Variants in MYT1L observed in about 807,000 individuals in gnomAD.
MYT1L encodes myelin transcription factor 1-like protein.
A neutral mutation model predicts 126.7 loss-of-function variants in MYT1L; 12 were observed. That is an observed-to-expected ratio of 0.09 (90% CI 0.06 to 0.15). The LOEUF (loss-of-function observed/expected upper bound fraction) is 0.15. Among genes scored for constraint, MYT1L ranks in the 10% least tolerant of loss-of-function variants. The pLI, the probability that MYT1L is intolerant of heterozygous loss-of-function variation, is 1.00. For synonymous variants in MYT1L, 541 were observed against 604.2 expected, an observed-to-expected ratio of 0.90 and a Z score of 1.53; for missense variants, 979 against 1,585.2, an observed-to-expected ratio of 0.62 and a Z score of 6.49.
intron 5 of MYT1L, among the ~76,000 whole-genome samples, chr2:1,990,212 G>A (rs1308443068): frequency 6.6e-6 from 1 of 152,222 alleles, no homozygotes; most frequent in Admixed American, 6.5e-5. Flanking sequence ...CTGGGCGGAC[G>A]CCATCTCTTG....
At position 1,943,019 on chromosome 2, in the gene MYT1L, CTCT is replaced by C. The variant is rs1341927951; in HGVS notation, c.465_467del (p.Glu167del). 15 of 1,482,710 alleles carry C rather than the reference CTCT, an allele frequency of 1.0e-5. No individual in the cohort carries two copies. The highest frequency in any genetic ancestry group is 4.0e-5 in the Admixed American group (2 of 50,596). 91.8% of individuals were successfully genotyped at this position (1,482,710 alleles called of 1,614,324 possible). A position where few individuals can be genotyped will look rare whatever the true frequency, so the allele number is the denominator to read the frequency against. On this transcript the variant is annotated inframe_deletion, in exon 9 of 25. Transcript: ENST00000647738. This position sits in a 1 kb window ranked among gnomAD's most constrained non-coding sequence, Gnocchi z 4.4. ...CCTCTTCCTCCTCCTCCTCCTCCTC[CTCT>C]TCCTCTTCTTCATCCTCCACATCTT...
chr2:2,039,789 C>T (rs535268032), intron 4 of MYT1L, among the ~76,000 whole-genome samples: 7 of 152,222 alleles, frequency 4.6e-5, no homozygotes, highest in South Asian at 2.1e-4. Flanking sequence ...ATTTACTCAG[C>T]GGAGTGTGAC....
chr2:1,899,039 G>A (rs534506519), intron 14 of MYT1L, among the ~76,000 whole-genome samples: 1 of 152,354 alleles, frequency 6.6e-6, no homozygotes, highest in South Asian at 2.1e-4. Flanking sequence ...ATAATCAAAA[G>A]GAGAACATGG....
intron 2 of MYT1L, among the ~76,000 whole-genome samples, chr2:2,263,488 AT>A (rs375861631): frequency 9.4e-4 from 143 of 152,250 alleles, no homozygotes; most frequent in African/African-American, 3.3e-3. Flanking sequence ...TGTGAACTAT[AT>A]TCCTAAAAAG....
At chr2:2,295,585 C>CAGAGAGAGAGAGAGAGAGAGAG in intron 1 of MYT1L, among the ~76,000 whole-genome samples, 1 of 50,482 alleles carries the variant, frequency 2.0e-5, no homozygotes, top group South Asian at 7.2e-4. Context: ...GAGAGAGAGA[C>CAGAGAGAGAGAGAGAGAGAGAG]AGACAGACAG....
chr2:2,297,576 AC>A, intron 1 of MYT1L, among the ~76,000 whole-genome samples: 1 of 152,228 alleles, frequency 6.6e-6, no homozygotes, highest in Admixed American at 6.5e-5. Flanking sequence ...TAAGATTCCT[AC>A]CATTCAAATG....
At position 1,803,713 on chromosome 2, in the gene MYT1L, A is replaced by G. The variant is rs180904053; in HGVS notation, c.3173-1914T>C. 3.0e-3 allele frequency among the ~76,000 whole-genome samples: 451 copies of G among 152,276 alleles called. 2 individuals are homozygous for G. Among genetic ancestry groups the G allele is most frequent in the African/African-American group, 0.01 (432 of 41,562 alleles). ...AACAGCCCTTTGTGGGAGCCTGGGAACGTCTCAGTCCTGGGGCTGCCCACT... is the reference window on the plus strand; with the variant it reads ...AACAGCCCTTTGTGGGAGCCTGGGAGCGTCTCAGTCCTGGGGCTGCCCACT... On this transcript the variant is annotated intron_variant, in intron 22 of 24. Transcript: ENST00000647738.
chr2:2,031,973 C>T (rs1357771684), intron 4 of MYT1L, among the ~76,000 whole-genome samples: 13 of 142,736 alleles, frequency 9.1e-5, no homozygotes, highest in Non-Finnish European at 1.5e-4. Context: ...ATACACCCCT[C>T]GCCAATGTCT....
At chr2:1,886,461 C>T in intron 18 of MYT1L, 78 bp downstream of exon 18, 1 of 1,083,416 alleles carries the variant, frequency 9.2e-7, no homozygotes, top group Non-Finnish European at 1.3e-6. Context: ...TTTTTCTTTG[C>T]AAATGACATA....
intron 4 of MYT1L, among the ~76,000 whole-genome samples, chr2:2,008,418 C>G (rs978278222): frequency 3.3e-5 from 5 of 152,208 alleles, no homozygotes; most frequent in Non-Finnish European, 7.3e-5. Context: ...CTTTATTTTG[C>G]GTTTCCCATT....
In MYT1L at chr2:1,949,982, G is replaced by A. The variant is rs146456334; in HGVS notation, c.153-6648C>T. 2.9e-3 allele frequency among the ~76,000 whole-genome samples: 444 copies of A among 152,124 alleles called. 2 individuals carry two copies. Among genetic ancestry groups the A allele is most frequent in the Admixed American group, 0.011 (168 of 15,276 alleles). Reference sequence around the variant, plus strand: ...CATTTGAATATAATTCTGGAGCACCGGTTTTCAACCAGCTCAGTTAATACC... The same window carrying A: ...CATTTGAATATAATTCTGGAGCACCAGTTTTCAACCAGCTCAGTTAATACC... On this transcript the variant is annotated intron_variant, in intron 8 of 24. Transcript: ENST00000647738.
At chr2:2,244,005 C>A (rs1361964393) in intron 2 of MYT1L, among the ~76,000 whole-genome samples, 4 of 152,104 alleles carry the variant, frequency 2.6e-5, no homozygotes, top group Non-Finnish European at 5.9e-5. Context: ...CAGACACATC[C>A]AAAAGGCAAT....
rs201273243 is a variant in MYT1L at position 2,211,822 on chromosome 2, C to A, written c.-420-38834G>T. Among the ~76,000 whole-genome samples, 624 of 133,600 alleles carry A rather than the reference C, an allele frequency of 4.7e-3. 10 individuals carry two copies. The highest frequency in any genetic ancestry group is 0.04 in the East Asian group (192 of 4,838). The allele number at this position is 133,600 out of a possible 152,430, so 87.6% of individuals were successfully genotyped here. A position where few individuals can be genotyped will look rare whatever the true frequency, so the allele number is the denominator to read the frequency against. On this transcript the variant is annotated intron_variant, in intron 2 of 24. Coordinates refer to ENST00000647738, the MANE Select transcript of MYT1L (RefSeq NM_001303052.2). ...CCATGTCAAAAAAAAAAAAAAAAAACCAAACAAAAAAAAAACTGACAATGC... is the reference window on the plus strand; with the variant it reads ...CCATGTCAAAAAAAAAAAAAAAAAAACAAACAAAAAAAAAACTGACAATGC...
chr2:1,817,543 T>A (rs1466206212), intron 21 of MYT1L, among the ~76,000 whole-genome samples: 2 of 152,160 alleles, frequency 1.3e-5, no homozygotes, highest in South Asian at 2.1e-4. Flanking sequence ...TGAAGAATGA[T>A]GCATTCTGTC....
intron 1 of MYT1L, among the ~76,000 whole-genome samples, chr2:2,287,111 C>T (rs1490843607): frequency 1.3e-5 from 2 of 152,072 alleles, no homozygotes; most frequent in East Asian, 3.9e-4. Flanking sequence ...AGAAAATTAG[C>T]CAGGCGTGGT....
chr2:2,323,740 C>T (rs2096207993), intron 1 of MYT1L, among the ~76,000 whole-genome samples: 1 of 152,098 alleles, frequency 6.6e-6, no homozygotes, highest in Non-Finnish European at 1.5e-5. Context: ...TGCTAATTTC[C>T]ACATTTCCTA....
intron 8 of MYT1L, among the ~76,000 whole-genome samples, chr2:1,947,446 G>A (rs372417129): frequency 5.9e-5 from 9 of 152,320 alleles, no homozygotes; most frequent in African/African-American, 1.7e-4. Context: ...CTAGGAGGAC[G>A]TTTGAGAGGA....
intron 2 of MYT1L, among the ~76,000 whole-genome samples, chr2:2,182,744 G>A (rs2091674897): frequency 6.6e-6 from 1 of 152,184 alleles, no homozygotes; most frequent in Non-Finnish European, 1.5e-5. Context: ...AAGGAGCAGT[G>A]GTTTGGGAAT....
At chr2:2,037,138 C>T (rs2066946799) in intron 4 of MYT1L, among the ~76,000 whole-genome samples, 1 of 152,220 alleles carries the variant, frequency 6.6e-6, no homozygotes. Flanking sequence ...CAAATCACTC[C>T]ACTTAGACTA....
Sources: gnomAD v4.1 joint callset for allele counts (sites outside exome capture counted in the v4.1 genomes callset) on GRCh38, gnomAD v4.1.1 for gene constraint, Gnocchi (gnomAD v3.1) non-coding constraint, MANE v1.5 for transcripts, NCBI Gene and HGNC (gene_info 2026-07-23, HGNC 2026-07-21) for gene names.